The following CLCA1 variants were observed in gnomAD, a reference collection of about 807,000 sequenced individuals.
CLCA1 encodes the protein chloride channel accessory 1, also known as calcium-activated chloride channel regulator 1.
A neutral mutation model predicts 85.6 loss-of-function variants in CLCA1; 59 were observed. The ratio of observed to expected loss-of-function variants is 0.69; its 90% CI spans 0.56 to 0.86. The LOEUF (loss-of-function observed/expected upper bound fraction) is 0.86, where lower values mean the gene tolerates loss of function less well. Ranked by LOEUF, CLCA1 falls within the 40% of genes least tolerant of loss-of-function variation. CLCA1 has a pLI of 0.00. For synonymous variants in CLCA1, 396 were observed against 398.3 expected, an observed-to-expected ratio of 0.99 and a Z score of 0.07; for missense variants, 1,022 against 1,101.4, an observed-to-expected ratio of 0.93 and a Z score of 1.02.
chr1:86,477,002 C>T (rs967784836), intron 4 of CLCA1, among the ~76,000 whole-genome samples: 33 of 152,158 alleles, frequency 2.2e-4, no homozygotes, highest in African/African-American at 7.7e-4. Context: ...CTCAGCCTCC[C>T]GGGCTCAAGC....
intron 7 of CLCA1, among the ~76,000 whole-genome samples, chr1:86,488,165 T>C (rs1648033167): frequency 1.3e-5 from 2 of 152,224 alleles, no homozygotes; most frequent in African/African-American, 2.4e-5. Flanking sequence ...GGAAGATGCC[T>C]TCTTATCTGA....
intron 5 of CLCA1, among the ~76,000 whole-genome samples, chr1:86,482,658 A>C (rs1647850995): frequency 6.6e-6 from 1 of 152,238 alleles, no homozygotes; most frequent in African/African-American, 2.4e-5. Flanking sequence ...GCATACAAGC[A>C]CACACATTCT....
intron 8 of CLCA1, among the ~76,000 whole-genome samples, chr1:86,489,982 A>G (rs947458249): frequency 3.3e-5 from 5 of 152,122 alleles, no homozygotes; most frequent in African/African-American, 1.2e-4. Context: ...GGAGAAAAGG[A>G]AGGAGGAAAG....
At chr1:86,484,129 G>T (rs922246352) in intron 5 of CLCA1, among the ~76,000 whole-genome samples, 4 of 152,112 alleles carry the variant, frequency 2.6e-5, no homozygotes, top group South Asian at 2.1e-4. Flanking sequence ...GACACGTGGG[G>T]ATTACAAATC....
At position 86,488,885 on chromosome 1, in the gene CLCA1, A is replaced by G. The variant is rs530580536; in HGVS notation, c.1183-111A>G. The G allele has an allele frequency of 9.8e-5, 78 of 792,374 alleles. No individual in the cohort carries two copies. In the African/African-American group the frequency reaches 1.2e-3, roughly 12 times the overall value. The allele number at this position is 792,374 out of a possible 1,614,324, so 49.1% of individuals were successfully genotyped here. A position where few individuals can be genotyped will look rare whatever the true frequency, so the allele number is the denominator to read the frequency against. ...ACAGATATTTGGTCATTCCCAGACA[A>G]TTTTGGTTATTCCCTCTAGAATTTC... On this transcript the variant is annotated intron_variant, in intron 7 of 13. Transcript: ENST00000394711.
At chr1:86,480,051 A>G (rs1456931137) in intron 4 of CLCA1, among the ~76,000 whole-genome samples, 1 of 152,202 alleles carries the variant, frequency 6.6e-6, no homozygotes, top group East Asian at 1.9e-4. Flanking sequence ...TTCCAATTGG[A>G]TGGACTCTTT....
In CLCA1 at chr1:86,491,257, C is replaced by T; in HGVS notation, c.1358-8C>T. ...AAAATAATTTCTGAAAATGTAATTG[C>T]ATTTTAGGAGGTTTACAGACATATG... On this transcript the variant is annotated splice_region_variant and splice_polypyrimidine_tract_variant and intron_variant, in intron 8 of 13. Transcript: ENST00000394711. 6.3e-7 allele frequency: 1 copy of T among 1,592,836 alleles called. No homozygotes were observed. Among genetic ancestry groups the T allele is most frequent in the Non-Finnish European group, 8.6e-7 (1 of 1,164,376 alleles).
intron 4 of CLCA1, among the ~76,000 whole-genome samples, chr1:86,479,934 A>G (rs1307624533): frequency 6.6e-6 from 1 of 152,198 alleles, no homozygotes; most frequent in South Asian, 2.1e-4. Context: ...CATTACACAT[A>G]TGATAATTTA....
In CLCA1 at chr1:86,486,760, T is replaced by C. The variant is rs753412414; in HGVS notation, c.1182+7T>C. The C allele has an allele frequency of 2.5e-6, 4 of 1,612,526 alleles. No homozygotes were observed. The highest frequency in any genetic ancestry group is 2.2e-5 in the East Asian group (1 of 44,884). On this transcript the variant is annotated splice_region_variant and intron_variant, in intron 7 of 13. Transcript: ENST00000394711. Reference sequence around the variant, plus strand: ...GCTTCGATCGGCATTTACTGTGAGATGTGTTTTTCTATTGTAGTTTGGAAT... The same window carrying C: ...GCTTCGATCGGCATTTACTGTGAGACGTGTTTTTCTATTGTAGTTTGGAAT...
At position 86,485,369 on chromosome 1, in the gene CLCA1, C is replaced by T. The variant is rs760920598; in HGVS notation, c.762C>T (p.Asn254=). 7 of 1,613,808 alleles carry T rather than the reference C, an allele frequency of 4.3e-6. No individual in the cohort carries two copies. The highest frequency in any genetic ancestry group is 5.9e-6 in the Non-Finnish European group (7 of 1,179,824). Residue 254 remains asparagine, a synonymous_variant, in exon 6 of 14, where the codon AAC becomes AAT. Coordinates refer to ENST00000394711, the MANE Select transcript of CLCA1 (RefSeq NM_001285.4). Reference sequence around the variant, plus strand: ...TAGTTGAATTCTGTACAGAACAAAACCACAACAAAGAAGCTCCAAACAAGC... The same window carrying T: ...TAGTTGAATTCTGTACAGAACAAAATCACAACAAAGAAGCTCCAAACAAGC... ...DSIVEFCTEQ[N]HNKEAPNKQN...
At chr1:86,493,023 A>G (rs929680078) in intron 9 of CLCA1, among the ~76,000 whole-genome samples, 2 of 152,180 alleles carry the variant, frequency 1.3e-5, no homozygotes, top group Non-Finnish European at 2.9e-5. Context: ...GTAATATTTG[A>G]ATTTTGAAGG....
intron 5 of CLCA1, among the ~76,000 whole-genome samples, chr1:86,484,228 T>C (rs1447452317): frequency 2.0e-5 from 3 of 152,200 alleles, no homozygotes; most frequent in Non-Finnish European, 2.9e-5. Flanking sequence ...AGGGGCCTTA[T>C]TGAAATTTCT....
chr1:86,479,261 C>G (rs1326777763), intron 4 of CLCA1, among the ~76,000 whole-genome samples: 1 of 152,076 alleles, frequency 6.6e-6, no homozygotes, highest in Non-Finnish European at 1.5e-5. Flanking sequence ...AACAATACTT[C>G]AAGACAGCAA....
intron 11 of CLCA1, 90 bp downstream of exon 11, chr1:86,494,538 TAGAC>T: frequency 2.8e-6 from 4 of 1,407,690 alleles, no homozygotes; most frequent in Non-Finnish European, 2.9e-6. Flanking sequence ...TGAGGGCAGT[TAGAC>T]AGGCAAGGCA....
At chr1:86,492,199 T>G (rs1017295856) in intron 9 of CLCA1, among the ~76,000 whole-genome samples, 62 of 152,248 alleles carry the variant, frequency 4.1e-4, no homozygotes, top group African/African-American at 1.4e-3. Flanking sequence ...AGCCTAATAA[T>G]GAGAGATTTT....
At chr1:86,478,195 G>A (rs959898715) in intron 4 of CLCA1, among the ~76,000 whole-genome samples, 4 of 152,046 alleles carry the variant, frequency 2.6e-5, no homozygotes, top group Admixed American at 2.6e-4. Flanking sequence ...TTGGGAGGCC[G>A]AGGCAGGATC....
chr1:86,471,979 C>T (rs5744315), intron 1 of CLCA1, among the ~76,000 whole-genome samples: 106 of 152,050 alleles, frequency 7.0e-4, no homozygotes, highest in African/African-American at 2.4e-3. Flanking sequence ...GGTCTGTTCC[C>T]GCAAGGACTT....
intron 10 of CLCA1, among the ~76,000 whole-genome samples, chr1:86,493,809 A>G (rs1648202527): frequency 6.6e-6 from 1 of 152,232 alleles, no homozygotes; most frequent in Non-Finnish European, 1.5e-5. Context: ...TATTTTGTCC[A>G]GGTACTAAAT....
intron 1 of CLCA1, among the ~76,000 whole-genome samples, chr1:86,470,627 G>A (rs5744306): frequency 6.6e-6 from 1 of 152,142 alleles, no homozygotes; most frequent in Non-Finnish European, 1.5e-5. Context: ...TTATTAAATT[G>A]TCTTTCCAGT....
Sources: gnomAD v4.1 joint callset for allele counts (sites outside exome capture counted in the v4.1 genomes callset) on GRCh38, gnomAD v4.1.1 for gene constraint, MANE v1.5 for transcripts, NCBI Gene and HGNC (gene_info 2026-07-23, HGNC 2026-07-21) for gene names.